NDST3: variants seen among roughly 807,000 people sequenced by gnomAD.
NDST3 encodes the protein N-deacetylase and N-sulfotransferase 3, also known as bifunctional heparan sulfate N-deacetylase/N-sulfotransferase 3.
A neutral mutation model predicts 96.1 loss-of-function variants in NDST3; 58 were observed. The ratio of observed to expected loss-of-function variants is 0.60; its 90% CI spans 0.49 to 0.75. NDST3 has a LOEUF of 0.75. Ranked by LOEUF, NDST3 falls within the 30% of genes least tolerant of loss-of-function variation. NDST3 has a pLI of 0.00. For missense variants in NDST3, 788 were observed against 1,034.2 expected (o/e 0.76, Z 3.27); for synonymous variants, 333 against 359.7 (o/e 0.93, Z 0.84).
intron 2 of NDST3, among the ~76,000 whole-genome samples, chr4:118,084,541 T>C (rs1164115283): frequency 6.6e-6 from 1 of 152,156 alleles, no homozygotes; most frequent in African/African-American, 2.4e-5. Flanking sequence ...TTAATGACAG[T>C]GTGACATCTT....
At chr4:118,086,744 T>C (rs186013679) in intron 2 of NDST3, among the ~76,000 whole-genome samples, 1 of 152,286 alleles carries the variant, frequency 6.6e-6, no homozygotes, top group East Asian at 1.9e-4. Context: ...TCGGTTTGGG[T>C]AAGCTTCTTG....
At chr4:118,123,017 T>C (rs1354113265) in intron 4 of NDST3, among the ~76,000 whole-genome samples, 2 of 152,218 alleles carry the variant, frequency 1.3e-5, no homozygotes, top group African/African-American at 4.8e-5. Flanking sequence ...GATACTGTTA[T>C]TGCTGTTACA....
At chr4:118,041,576 A>G (rs1724467733) in intron 1 of NDST3, among the ~76,000 whole-genome samples, 1 of 152,186 alleles carries the variant, frequency 6.6e-6, no homozygotes, top group African/African-American at 2.4e-5. Flanking sequence ...TTCGGAGCAG[A>G]ATTCAACCAC....
rs1381686421 is a variant in NDST3, at chr4:118,258,129, A to C, written c.*2417A>C. 3.9e-5 allele frequency: 6 copies of C among 152,264 alleles called. No homozygotes were observed. The East Asian group carries it at 1.2e-3, about 29-fold the overall frequency. The allele number at this position is 152,264 out of a possible 1,614,324, so 9.4% of individuals were successfully genotyped here. The stretch of plus-strand genomic sequence containing the variant: ...TTGACTGAACACTTCATCCTTTTAA[A>C]TAGATGTCAAAAACATACTCCGTGT... On this transcript the variant is annotated 3_prime_UTR_variant, in exon 14 of 14. Transcript: ENST00000296499.
intron 4 of NDST3, among the ~76,000 whole-genome samples, chr4:118,116,701 A>G (rs1017367840): frequency 3.9e-5 from 6 of 152,008 alleles, no homozygotes; most frequent in African/African-American, 1.5e-4. Flanking sequence ...ACTAAAAAAT[A>G]CAAACAATTA....
At chr4:118,171,481 A>G (rs969271994) in intron 6 of NDST3, among the ~76,000 whole-genome samples, 1 of 152,136 alleles carries the variant, frequency 6.6e-6, no homozygotes, top group South Asian at 2.1e-4. Context: ...TTAAGATTTT[A>G]CTTTGCAGAG....
intron 2 of NDST3, among the ~76,000 whole-genome samples, chr4:118,090,551 A>C (rs181589208): frequency 3.3e-5 from 5 of 152,068 alleles, no homozygotes; most frequent in Admixed American, 2.6e-4. Flanking sequence ...GAAATGGTAC[A>C]AGTTGGGATA....
chr4:118,047,257 G>T (rs1724822668), intron 1 of NDST3, among the ~76,000 whole-genome samples: 2 of 152,188 alleles, frequency 1.3e-5, no homozygotes, highest in African/African-American at 4.8e-5. Flanking sequence ...AAATCCAACT[G>T]AAGTACTCAA....
chr4:118,129,543 G>C (rs1017661102), intron 4 of NDST3, among the ~76,000 whole-genome samples: 2 of 151,976 alleles, frequency 1.3e-5, no homozygotes, highest in Admixed American at 6.6e-5. Flanking sequence ...ATTGTTGTCA[G>C]AGAAGACGTT....
At chr4:118,135,264 G>A (rs1031632566) in intron 4 of NDST3, among the ~76,000 whole-genome samples, 5 of 152,172 alleles carry the variant, frequency 3.3e-5, no homozygotes, top group Admixed American at 3.3e-4. Flanking sequence ...GCAGGCTTAG[G>A]AAGGGGTAGT....
intron 6 of NDST3, among the ~76,000 whole-genome samples, chr4:118,179,902 A>T (rs939226990): frequency 3.9e-5 from 6 of 152,026 alleles, no homozygotes; most frequent in Non-Finnish European, 8.8e-5. Flanking sequence ...GAAACTTTTA[A>T]CCCCTGCCCT....
At chr4:118,036,464 T>A (rs1724156340) in intron 1 of NDST3, among the ~76,000 whole-genome samples, 1 of 152,194 alleles carries the variant, frequency 6.6e-6, no homozygotes, top group African/African-American at 2.4e-5. Flanking sequence ...ACAGTAGAAG[T>A]TTACTTTCCC....
At chr4:118,248,013 G>A (rs973793322) in intron 12 of NDST3, among the ~76,000 whole-genome samples, 1 of 152,098 alleles carries the variant, frequency 6.6e-6, no homozygotes, top group Admixed American at 6.6e-5. Flanking sequence ...TGTTTTGTAC[G>A]ATTAACCCGC....
At chr4:118,169,365 T>C (rs1288661592) in intron 6 of NDST3, among the ~76,000 whole-genome samples, 2 of 152,200 alleles carry the variant, frequency 1.3e-5, no homozygotes, top group African/African-American at 4.8e-5. Context: ...AAGCTTTCAT[T>C]GGATCTGGAA....
intron 4 of NDST3, among the ~76,000 whole-genome samples, chr4:118,124,325 G>GT (rs1177220412): frequency 2.0e-5 from 3 of 152,014 alleles, no homozygotes; most frequent in East Asian, 3.9e-4. Flanking sequence ...GTTTACCTTG[G>GT]TTTTTTTGTT....
In NDST3 at chr4:118,240,572, G is replaced by A. The variant is rs759159756; in HGVS notation, c.2167G>A (p.Glu723Lys). Residue 723 changes from glutamate to lysine, a missense_variant, in exon 11 of 14, where the codon GAA (glutamate) becomes AAA (lysine). Physicochemically the swap from Glu to Lys is moderately conservative, Grantham distance 56. Coordinates refer to ENST00000296499, the MANE Select transcript of NDST3 (RefSeq NM_004784.3). ...DPAALKFSFYEVISAGPRAPS... is the reference protein window; with the variant it reads ...DPAALKFSFYKVISAGPRAPS... ...TGCAGCTCTGAAGTTTAGCTTCTAC[G>A]AAGTGATCTCAGCAGGGCCCCGTGC... 17 of 1,613,494 alleles carry A rather than the reference G, an allele frequency of 1.1e-5. No individual in the cohort carries two copies. The South Asian group carries it at 1.6e-4, about 16-fold the overall frequency.
At chr4:118,089,712 T>C (rs1168680510) in intron 2 of NDST3, among the ~76,000 whole-genome samples, 1 of 151,926 alleles carries the variant, frequency 6.6e-6, no homozygotes, top group African/African-American at 2.4e-5. Flanking sequence ...AGATCTGGAG[T>C]GTATTCCCAA....
chr4:118,094,634 G>A (rs1385260100), intron 2 of NDST3, among the ~76,000 whole-genome samples: 1 of 151,652 alleles, frequency 6.6e-6, no homozygotes, highest in African/African-American at 2.4e-5. Context: ...TTCCTCTTCT[G>A]ACTAAGAATT....
intron 6 of NDST3, among the ~76,000 whole-genome samples, chr4:118,198,371 T>C (rs1481948328): frequency 6.6e-6 from 1 of 152,228 alleles, no homozygotes; most frequent in African/African-American, 2.4e-5. Flanking sequence ...TTGCAAATAC[T>C]ACGTTATAAC....
Sources: allele counts gnomAD v4.1 joint callset (sites outside exome capture counted in the v4.1 genomes callset), GRCh38; gene constraint gnomAD v4.1.1; transcripts MANE v1.5; gene names NCBI Gene and HGNC (gene_info 2026-07-23, HGNC 2026-07-21).